The following USP9X variants were observed in gnomAD, a reference collection of about 807,000 sequenced individuals.
USP9X encodes ubiquitin carboxyl-terminal hydrolase 9X.
Under a neutral mutation model 190.3 loss-of-function variants are expected in USP9X, and 7 were observed. The observed-to-expected ratio is 0.04, with a 90% CI of 0.02 to 0.07. USP9X has a LOEUF of 0.07. Ranked by LOEUF, USP9X falls within the 10% of genes least tolerant of loss-of-function variation. The probability of loss-of-function intolerance (pLI) is 1.00; values close to 1 mark genes in which losing one functional copy is unlikely to be tolerated. For synonymous variants in USP9X, 645 were observed against 659.5 expected (o/e 0.98, Z 0.34); for missense variants, 1,010 against 1,916.9 (o/e 0.53, Z 8.83).
At position 41,229,787 on chromosome X, in the gene USP9X, A is replaced by G. The variant is rs1195493908; in HGVS notation, c.7431+8A>G. 2 of 1,211,001 alleles carry G rather than the reference A, an allele frequency of 1.7e-6. No individual in the cohort carries two copies. The highest frequency in any genetic ancestry group is 3.5e-5 in the African/African-American group (2 of 57,510). On this transcript the variant is annotated splice_region_variant and intron_variant, in intron 43 of 44. Coordinates refer to ENST00000378308, the MANE Select transcript of USP9X (RefSeq NM_001039591.3). ...GAACTCTGTCCAGAGGAGGTAAAAA[A>G]AGCCACCAGTGTGCAGCAGATAGAA...
At chrX:41,211,415 A>AT (rs2063156524) in intron 33 of USP9X, among the ~76,000 whole-genome samples, 1 of 113,253 alleles carries the variant, frequency 8.8e-6, no homozygotes, top group Admixed American at 9.3e-5. Context: ...AATAGTGTAA[A>AT]TACAGTAAGT....
At chrX:41,130,100 T>A (rs2062295276) in intron 3 of USP9X, among the ~76,000 whole-genome samples, 2 of 111,974 alleles carry the variant, frequency 1.8e-5, no homozygotes, top group Non-Finnish European at 3.8e-5. Context: ...CCTTTGTGTT[T>A]ACTATCATAT....
chrX:41,166,256 C>A, intron 16 of USP9X, 42 bp downstream of exon 16: 1 of 949,708 alleles, frequency 1.1e-6, no homozygotes, highest in Non-Finnish European at 1.4e-6. Flanking sequence ...GTCTGATGTA[C>A]TTTTTCATGT....
intron 1 of USP9X, among the ~76,000 whole-genome samples, chrX:41,110,805 A>T (rs760376234): frequency 1.8e-5 from 2 of 112,019 alleles, no homozygotes; most frequent in African/African-American, 3.2e-5. Flanking sequence ...TTGAATATGT[A>T]CCAGATGGAG....
intron 4 of USP9X, among the ~76,000 whole-genome samples, chrX:41,133,564 G>A (rs2062343311): frequency 9.0e-6 from 1 of 111,629 alleles, no homozygotes; most frequent in Non-Finnish European, 1.9e-5. Flanking sequence ...TGTACTCACC[G>A]TTTTGTGCTA....
At position 41,150,954 on chromosome X, in the gene USP9X, C is replaced by T; in HGVS notation, c.1660C>T (p.Arg554Cys). 2.5e-6 allele frequency: 3 copies of T among 1,206,556 alleles called. No homozygotes were observed. Among genetic ancestry groups the T allele is most frequent in the Non-Finnish European group, 3.4e-6 (3 of 892,947 alleles). ...RDTQKIQWID[R>C]FIEELRTNDK... ...TACACAAAAGATCCAATGGATAGAT[C>T]GCTTTATAGAAGAACTTCGCACAAA... Residue 554 changes from arginine (R) to cysteine (C), a missense_variant, in exon 13 of 45, where the codon CGC becomes TGC. By Grantham distance (180) the Arg-to-Cys change is radical. Coordinates refer to ENST00000378308, the MANE Select transcript of USP9X (RefSeq NM_001039591.3).
At chrX:41,160,215 T>C (rs1323663731) in intron 14 of USP9X, among the ~76,000 whole-genome samples, 1 of 109,528 alleles carries the variant, frequency 9.1e-6, no homozygotes. Flanking sequence ...ACCTAGACAA[T>C]ATGAGTCAAA....
chrX:41,182,673 T>C (rs1454885531), intron 21 of USP9X, among the ~76,000 whole-genome samples: 2 of 111,010 alleles, frequency 1.8e-5, no homozygotes, highest in Admixed American at 1.9e-4. Context: ...GGTAAAAACC[T>C]AAATGCCCAA....
At chrX:41,135,847 T>C (rs745468678) in intron 5 of USP9X, among the ~76,000 whole-genome samples, 116 of 111,080 alleles carry the variant, frequency 1.0e-3, no homozygotes, top group Middle Eastern at 4.6e-3. Context: ...GCCAGGCTGG[T>C]CTCGAACTCC....
intron 26 of USP9X, among the ~76,000 whole-genome samples, chrX:41,195,620 G>A (rs1465799700): frequency 2.7e-5 from 3 of 111,402 alleles, no homozygotes; most frequent in African/African-American, 6.5e-5. Context: ...GGATGGTTTC[G>A]GGATGAAAGG....
intron 41 of USP9X, among the ~76,000 whole-genome samples, chrX:41,225,921 A>G (rs1380264226): frequency 8.9e-6 from 1 of 112,468 alleles, no homozygotes; most frequent in Non-Finnish European, 1.9e-5. Context: ...CAAAAGCACA[A>G]ATATGTGGAA....
At chrX:41,150,278 G>A (rs1014530190) in intron 12 of USP9X, among the ~76,000 whole-genome samples, 5 of 111,656 alleles carry the variant, frequency 4.5e-5, no homozygotes, top group Non-Finnish European at 7.5e-5. Context: ...GACTTTAGGG[G>A]AAGAGGTGAA....
intron 26 of USP9X, chrX:41,189,859 G>C (rs753452918): frequency 8.4e-6 from 1 of 118,660 alleles, no homozygotes; most frequent in African/African-American, 3.2e-5. Flanking sequence ...TTGTAAGACA[G>C]GGTCATTGTA....
chrX:41,188,685 TG>T, intron 25 of USP9X, among the ~76,000 whole-genome samples: 1 of 112,001 alleles, frequency 8.9e-6, no homozygotes, highest in African/African-American at 3.2e-5. Context: ...TTCTTTTACA[TG>T]GCCAACATCA....
intron 9 of USP9X, among the ~76,000 whole-genome samples, chrX:41,142,360 G>A (rs6651755): frequency 1.0e-3 from 113 of 111,477 alleles, no homozygotes; most frequent in African/African-American, 3.6e-3. Context: ...AAAATTATCT[G>A]TGGCTCTGCA....
At chrX:41,130,978 G>A (rs1281317887) in intron 3 of USP9X, among the ~76,000 whole-genome samples, 3 of 109,354 alleles carry the variant, frequency 2.7e-5, no homozygotes, top group Non-Finnish European at 5.7e-5. Context: ...CTCCTGCCTC[G>A]GCCTCCCAAA....
intron 14 of USP9X, among the ~76,000 whole-genome samples, chrX:41,155,582 A>C (rs982841266): frequency 3.6e-5 from 4 of 111,514 alleles, no homozygotes; most frequent in Admixed American, 9.5e-5. Context: ...GGTCTTTTCC[A>C]TCCAACAGTA....
intron 1 of USP9X, among the ~76,000 whole-genome samples, chrX:41,117,616 T>G (rs747324744): frequency 9.8e-6 from 1 of 101,752 alleles, no homozygotes; most frequent in Non-Finnish European, 2.0e-5. Context: ...TTTGCTCTGT[T>G]GCCCAGGCTG....
intron 33 of USP9X, among the ~76,000 whole-genome samples, chrX:41,213,096 G>A (rs2063180915): frequency 9.0e-6 from 1 of 111,637 alleles, no homozygotes; most frequent in African/African-American, 3.3e-5. Flanking sequence ...TTATGGTCTT[G>A]AAATCAGATC....
Sources: gnomAD v4.1 joint callset for allele counts (sites outside exome capture counted in the v4.1 genomes callset) on GRCh38, gnomAD v4.1.1 for gene constraint, MANE v1.5 for transcripts, NCBI Gene and HGNC (gene_info 2026-07-23, HGNC 2026-07-21) for gene names.